The following DEAF1 variants were observed in gnomAD, a reference collection of about 807,000 sequenced individuals.
The protein encoded by DEAF1 is DEAF1 transcription factor.
Under a neutral mutation model 58.9 loss-of-function variants are expected in DEAF1, and 53 were observed. The observed-to-expected ratio is 0.90, with a 90% CI of 0.72 to 1.13. DEAF1 has a LOEUF of 1.13. Among genes scored for constraint, DEAF1 ranks in the 50% most tolerant of loss-of-function variants. The pLI is 0.00. For synonymous variants in DEAF1, 385 were observed against 340.4 expected (o/e 1.13, Z -1.44); for missense variants, 685 against 791.4 (o/e 0.87, Z 1.61).
chr11:667,644 A>T (rs1859612963), intron 10 of DEAF1, among the ~76,000 whole-genome samples: 1 of 151,566 alleles, frequency 6.6e-6, no homozygotes, highest in African/African-American at 2.4e-5. Flanking sequence ...TGTCTCTAAT[A>T]AAAAAATACA....
chr11:676,164 T>C (rs114287331), intron 9 of DEAF1, among the ~76,000 whole-genome samples: 28 of 16,726 alleles, frequency 1.7e-3, no homozygotes, highest in Admixed American at 2.4e-3. Flanking sequence ...CCCCCCAGCA[T>C]CTGACATCCC....
At chr11:666,309 A>G (rs565845360) in intron 10 of DEAF1, 39 of 152,352 alleles carry the variant, frequency 2.6e-4, no homozygotes, top group African/African-American at 9.1e-4. Context: ...AGTCTCTACC[A>G]TATAAACTCT....
rs574261603 is a variant in DEAF1, at chr11:691,986, C to T, written c.290-388G>A. Among the ~76,000 whole-genome samples, 10 of 152,280 alleles carry T rather than the reference C, an allele frequency of 6.6e-5. No homozygotes were observed. The East Asian group carries it at 9.6e-4, about 15-fold the overall frequency. On this transcript the variant is annotated intron_variant, in intron 1 of 11. Coordinates refer to ENST00000382409, the MANE Select transcript of DEAF1 (RefSeq NM_021008.4). Reference sequence around the variant, plus strand: ...GCCTACGAGGAGCTCTCGGCCTCCCCGCAGGTGAGGACACCTCCTGGACCC... The same window carrying T: ...GCCTACGAGGAGCTCTCGGCCTCCCTGCAGGTGAGGACACCTCCTGGACCC...
intron 6 of DEAF1, 85 bp from the exon 7 acceptor site, chr11:681,174 G>GC: frequency 1.9e-6 from 3 of 1,586,286 alleles, no homozygotes; most frequent in Non-Finnish European, 2.6e-6. Context: ...TGGGGGCACC[G>GC]CGGGGTGTGT....
upstream of DEAF1, chr11:699,592 C>G (rs1861350304): frequency 6.5e-6 from 1 of 154,156 alleles, no homozygotes; most frequent in Non-Finnish European, 1.4e-5. Context: ...ACTAAAAATA[C>G]AAAAAATTAG....
intron 2 of DEAF1, among the ~76,000 whole-genome samples, chr11:691,226 C>T (rs1430185329): frequency 6.6e-6 from 1 of 152,260 alleles, no homozygotes; most frequent in African/African-American, 2.4e-5. Flanking sequence ...GGACAGCAGC[C>T]TGCTGGGAGT....
rs1044820530 is a variant in DEAF1 at position 662,828 on chromosome 11, C to G, written c.1504-8777G>C. Among the ~76,000 whole-genome samples the G allele has an allele frequency of 5.3e-5, 8 of 152,292 alleles. No homozygotes were observed. In the South Asian group the frequency reaches 1.7e-3, roughly 32 times the overall value. ...TGCATGCACACAGCACTGGGCACAACCACGTCTGCAAGTGCCCATGACTGT... is the reference window on the plus strand; with the variant it reads ...TGCATGCACACAGCACTGGGCACAAGCACGTCTGCAAGTGCCCATGACTGT... On this transcript the variant is annotated intron_variant, in intron 10 of 11. Transcript: ENST00000382409.
Position 679,688 on chromosome 11 carries a change from C to T in DEAF1, c.1126G>A (p.Val376Ile), listed in dbSNP as rs1373287168. Residue 376 changes from valine to isoleucine, a missense_variant and splice_region_variant, in exon 8 of 12, where the codon GTC (valine) becomes ATC (isoleucine). By Grantham distance (29) the Val-to-Ile change is conservative (BLOSUM62 3). This residue lies in a region of DEAF1 where 343 missense variants were observed against 379.8 expected (regional missense o/e 0.90). Coordinates refer to ENST00000382409, the MANE Select transcript of DEAF1 (RefSeq NM_021008.4). ...TCAGGCAGGCACTGGAGCAGCTCAC[C>T]TGTGGCCCCTGCGAAGACGTCGCCC... ...AQGDVFAGAT[V>I]QEASVQPPCR... 1.9e-6 allele frequency: 3 copies of T among 1,611,910 alleles called. No individual in the cohort carries two copies. The highest frequency in any genetic ancestry group is 1.1e-5 in the South Asian group (1 of 91,092).
Position 653,996 on chromosome 11 carries a change from T to C in DEAF1, c.1559A>G (p.Lys520Arg). The change falls in exon 11 of 12, where the codon AAG becomes AGG. Residue 520 changes from lysine (K) to arginine (R), a missense_variant. This residue lies in a region of DEAF1 where 343 missense variants were observed against 379.8 expected (regional missense o/e 0.90). Coordinates refer to ENST00000382409, the MANE Select transcript of DEAF1 (RefSeq NM_021008.4). The stretch of plus-strand genomic sequence containing the variant: ...GCAGAAGGTGGAGCAGTAGTTGACC[T>C]TGTGGCAGCCGGTGCACTCGCTCAT... ...EAMSECTGCH[K>R]VNYCSTFCQR... The C allele has an allele frequency of 6.2e-7, 1 of 1,613,862 alleles. No homozygotes were observed. The highest frequency in any genetic ancestry group is 1.1e-5 in the South Asian group (1 of 91,070).
At chr11:671,652 T>C (rs1267409897) in intron 10 of DEAF1, among the ~76,000 whole-genome samples, 1 of 150,630 alleles carries the variant, frequency 6.6e-6, no homozygotes, top group Non-Finnish European at 1.5e-5. Context: ...CAGGAGGATC[T>C]CTTGAGCCCA....
intron 10 of DEAF1, chr11:666,304 C>T (rs1400182767): frequency 6.6e-6 from 1 of 152,184 alleles, no homozygotes; most frequent in Non-Finnish European, 1.5e-5. Context: ...TTCAGAGTCT[C>T]TACCATATAA....
At position 688,205 on chromosome 11, in the gene DEAF1, A is replaced by G; in HGVS notation, c.517+126T>C. ...AGGAAAATTCCAATGCTTTTACTTA[A>G]AATCTATTAATAGATGATATTCCAA... On this transcript the variant is annotated intron_variant, in intron 3 of 11. Transcript: ENST00000382409. This position sits in a 1 kb window ranked among gnomAD's most constrained non-coding sequence, Gnocchi z 4.3. 6.6e-7 allele frequency: 1 copy of G among 1,516,726 alleles called. No individual in the cohort carries two copies. Among genetic ancestry groups the G allele is most frequent in the Non-Finnish European group, 8.9e-7 (1 of 1,119,916 alleles). 94.0% of individuals were successfully genotyped at this position (1,516,726 alleles called of 1,614,324 possible).
intron 1 of DEAF1, among the ~76,000 whole-genome samples, chr11:692,876 G>C (rs946846463): frequency 1.3e-5 from 2 of 149,882 alleles, no homozygotes; most frequent in Admixed American, 1.3e-4. Context: ...AGGCATGTTT[G>C]CTGTCTGTCT....
chr11:647,696 G>A (rs58893099), intron 11 of DEAF1, among the ~76,000 whole-genome samples: 6,798 of 152,298 alleles, frequency 0.045, 179 homozygotes, highest in Middle Eastern at 0.088. Flanking sequence ...AGGTGAGGGC[G>A]ACGGGCCTCT....
intron 10 of DEAF1, among the ~76,000 whole-genome samples, chr11:665,171 AC>A (rs1859466200): frequency 8.0e-6 from 1 of 125,698 alleles, no homozygotes; most frequent in Admixed American, 7.7e-5. Flanking sequence ...AGCTATTCAC[AC>A]CGAGAGGAGA....
At position 653,676 on chromosome 11, in the gene DEAF1, G is replaced by A. The variant is rs547988146; in HGVS notation, c.1593+286C>T. Among the ~76,000 whole-genome samples, 9 of 152,164 alleles carry A rather than the reference G, an allele frequency of 5.9e-5. No homozygotes were observed. In the East Asian group the frequency reaches 1.4e-3, roughly 23 times the overall value. On this transcript the variant is annotated intron_variant, in intron 11 of 11. Transcript: ENST00000382409. ...TGGAACTGTGGACAGTCTCTCTTGC[G>A]TGGCTGTGCAGGGGTGTGGAGGGCT...
chr11:684,635 C>T (rs1466125139), intron 6 of DEAF1, among the ~76,000 whole-genome samples: 1 of 152,168 alleles, frequency 6.6e-6, no homozygotes, highest in African/African-American at 2.4e-5. Context: ...GACATTATAA[C>T]CGCTTTTCAT....
At chr11:653,183 C>A (rs1858865998) in intron 11 of DEAF1, among the ~76,000 whole-genome samples, 1 of 151,946 alleles carries the variant, frequency 6.6e-6, no homozygotes. Context: ...CCGTTTGTAG[C>A]CTACAAAATT....
At chr11:651,454 T>C (rs577548320) in intron 11 of DEAF1, 6 of 310,176 alleles carry the variant, frequency 1.9e-5, no homozygotes, top group Non-Finnish European at 2.5e-5. Context: ...AAAAAACTTA[T>C]TGAGACAAAG....
Sources: allele counts gnomAD v4.1 joint callset (sites outside exome capture counted in the v4.1 genomes callset), GRCh38; gene constraint gnomAD v4.1.1; regional missense constraint gnomAD v4.1.1; non-coding constraint Gnocchi (gnomAD v3.1); transcripts MANE v1.5; gene names NCBI Gene and HGNC (gene_info 2026-07-23, HGNC 2026-07-21).